Variants in NBAS observed in about 807,000 individuals in gnomAD.
NBAS encodes the protein NAG/BC035112 fusion.
A neutral mutation model predicts 302.5 loss-of-function variants in NBAS; 219 were observed. The ratio of observed to expected loss-of-function variants is 0.72; its 90% CI spans 0.65 to 0.81. The LOEUF is 0.81. Ranked by LOEUF, NBAS falls within the 30% of genes least tolerant of loss-of-function variation. The pLI is 0.00. For synonymous variants in NBAS, 1,118 were observed against 1,021.6 expected, an observed-to-expected ratio of 1.09 and a Z score of -1.80; for missense variants, 2,932 against 2,841.6, an observed-to-expected ratio of 1.03 and a Z score of -0.72.
rs150642402 is a variant in NBAS, at chr2:15,253,825, A to G, written c.5725-15139T>C. 1.6e-3 allele frequency among the ~76,000 whole-genome samples: 249 copies of G among 152,282 alleles called. 2 individuals are homozygous for G. In the East Asian group the frequency reaches 0.034, roughly 21 times the overall value. On this transcript the variant is annotated intron_variant, in intron 44 of 51. Coordinates refer to ENST00000281513, the MANE Select transcript of NBAS (RefSeq NM_015909.4). ...ACTCCAATGGAGACCACCTTTGCAA[A>G]AATTTTAACAGTGAGAAAATTATGG...
At chr2:15,103,013 A>AAGGAAGGAAGGAAGGG in the NBAS span, among the ~76,000 whole-genome samples, 14 of 138,348 alleles carry the variant, frequency 1.0e-4, no homozygotes, top group African/African-American at 3.4e-4. Flanking sequence ...GGAAGGAAGG[A>AAGGAAGGAAGGAAGGG]AGGAAGGAAG....
chr2:15,049,539 A>G, the NBAS span, among the ~76,000 whole-genome samples: 5 of 152,106 alleles, frequency 3.3e-5, no homozygotes, highest in African/African-American at 1.2e-4. Context: ...GAGGCTCCTG[A>G]GGGGCTGTTA....
At chr2:15,462,849 CA>C (rs1679565194) in intron 19 of NBAS, among the ~76,000 whole-genome samples, 1 of 151,678 alleles carries the variant, frequency 6.6e-6, no homozygotes. Context: ...CCTTGAGGAA[CA>C]ACATTATTTA....
intron 31 of NBAS, among the ~76,000 whole-genome samples, chr2:15,369,322 G>C (rs747240405): frequency 6.6e-6 from 1 of 152,070 alleles, no homozygotes; most frequent in African/African-American, 2.4e-5. Context: ...TCAAGGTAGA[G>C]AACTGAAACC....
chr2:15,186,160 C>CTG (rs545281756), intron 50 of NBAS, among the ~76,000 whole-genome samples: 1 of 148,224 alleles, frequency 6.7e-6, no homozygotes, highest in African/African-American at 2.5e-5. Context: ...GTATGTGTGT[C>CTG]TGTGTGTGTG....
the NBAS span, among the ~76,000 whole-genome samples, chr2:15,156,601 G>A: frequency 6.6e-6 from 1 of 152,276 alleles, no homozygotes; most frequent in South Asian, 2.1e-4. Flanking sequence ...ATACGGGCAT[G>A]AATCCCATTC....
chr2:15,345,120 C>T (rs556280494), intron 35 of NBAS, among the ~76,000 whole-genome samples: 15 of 152,268 alleles, frequency 9.9e-5, no homozygotes, highest in African/African-American at 2.6e-4. Context: ...CCCTCTCTCA[C>T]CGCTCCTATT....
chr2:15,311,487 G>A (rs906755805), intron 38 of NBAS, among the ~76,000 whole-genome samples: 1 of 152,116 alleles, frequency 6.6e-6, no homozygotes, highest in African/African-American at 2.4e-5. Flanking sequence ...AAAAATGATT[G>A]ATAAAAGGTT....
chr2:15,263,941 A>G (rs1163008292), intron 44 of NBAS, among the ~76,000 whole-genome samples: 2 of 152,228 alleles, frequency 1.3e-5, no homozygotes, highest in Non-Finnish European at 2.9e-5. Context: ...GCAGTGAGGA[A>G]AGGGCATGGC....
intron 44 of NBAS, among the ~76,000 whole-genome samples, chr2:15,255,119 T>C (rs1668534022): frequency 6.6e-6 from 1 of 152,270 alleles, no homozygotes; most frequent in African/African-American, 2.4e-5. Context: ...AGTTCTATTT[T>C]AGTTCTTTAA....
At chr2:15,483,837 G>C (rs1356246820) in intron 12 of NBAS, among the ~76,000 whole-genome samples, 1 of 152,138 alleles carries the variant, frequency 6.6e-6, no homozygotes, top group Non-Finnish European at 1.5e-5. Context: ...GGCTGTGCAG[G>C]GTAGCAGCAA....
intron 51 of NBAS, among the ~76,000 whole-genome samples, chr2:15,173,919 G>T (rs763514656): frequency 6.6e-6 from 1 of 152,070 alleles, no homozygotes; most frequent in Non-Finnish European, 1.5e-5. Flanking sequence ...ATATTTTATC[G>T]CATCTTTACA....
intron 3 of NBAS, among the ~76,000 whole-genome samples, chr2:15,554,611 A>C (rs1664558471): frequency 6.7e-6 from 1 of 148,514 alleles, no homozygotes; most frequent in South Asian, 2.2e-4. Context: ...AACAGGACTT[A>C]GCACACGAGA....
At chr2:15,016,028 A>G in the NBAS span, among the ~76,000 whole-genome samples, 1 of 152,166 alleles carries the variant, frequency 6.6e-6, no homozygotes. Context: ...TCCCATTTAC[A>G]ATAGCTACCA....
intron 40 of NBAS, among the ~76,000 whole-genome samples, chr2:15,296,247 A>T (rs1005932810): frequency 2.0e-4 from 30 of 152,146 alleles, no homozygotes; most frequent in African/African-American, 7.2e-4. Flanking sequence ...TAAGAATTTT[A>T]TCATTAAGAG....
the NBAS span, among the ~76,000 whole-genome samples, chr2:14,980,888 G>A: frequency 6.6e-6 from 1 of 152,106 alleles, no homozygotes; most frequent in South Asian, 2.1e-4. Context: ...AAGAAAGAAT[G>A]TTTGTTGAAA....
At chr2:15,335,058 A>C (rs2148248110) in intron 35 of NBAS, among the ~76,000 whole-genome samples, 1 of 152,228 alleles carries the variant, frequency 6.6e-6, no homozygotes, top group South Asian at 2.1e-4. Context: ...GAGTAGTTAA[A>C]GACTGTTCAA....
At chr2:14,983,821 T>A in the NBAS span, among the ~76,000 whole-genome samples, 1 of 152,180 alleles carries the variant, frequency 6.6e-6, no homozygotes, top group Non-Finnish European at 1.5e-5. Flanking sequence ...AAAGGAGGCA[T>A]TAAAAACCCC....
rs749459590 is a variant in NBAS, at chr2:15,474,242, G to A, written c.1424C>T (p.Ser475Phe). ...EEDEGEEDSDSDYEISAKARY... is the reference protein window; with the variant it reads ...EEDEGEEDSDFDYEISAKARY... ...AGCCTTGGCAGATATTTCATAATCA[G>A]AATCAGAATCCTCTTCTCCTTCATC... The change falls in exon 15 of 52, where the codon TCT (serine) becomes TTT (phenylalanine). Residue 475 changes from serine to phenylalanine, a missense_variant. Physicochemically the swap from Ser to Phe is radical, Grantham distance 155 (BLOSUM62 -2). Transcript: ENST00000281513. 6.2e-7 allele frequency: 1 copy of A among 1,614,064 alleles called. No homozygotes were observed.
Sources: allele counts gnomAD v4.1 joint callset (sites outside exome capture counted in the v4.1 genomes callset), GRCh38; gene constraint gnomAD v4.1.1; transcripts MANE v1.5; gene names NCBI Gene and HGNC (gene_info 2026-07-23, HGNC 2026-07-21).